MAN2A1: variants seen among roughly 807,000 people sequenced by gnomAD.
MAN2A1 encodes the protein mannosidase alpha class 2A member 1, also known as alpha-mannosidase 2.
A neutral mutation model predicts 142.6 loss-of-function variants in MAN2A1; 76 were observed. The observed-to-expected ratio is 0.53, with a 90% confidence interval of 0.44 to 0.65. The LOEUF (loss-of-function observed/expected upper bound fraction) is 0.65. Among genes scored for constraint, MAN2A1 ranks in the 30% least tolerant of loss-of-function variants. MAN2A1 has a pLI of 0.00. For missense variants in MAN2A1, 1,311 were observed against 1,365.1 expected (o/e 0.96, Z 0.62); for synonymous variants, 559 against 473.2 (o/e 1.18, Z -2.35).
chr5:109,752,610 G>A (rs186508993), intron 4 of MAN2A1, among the ~76,000 whole-genome samples: 1 of 152,234 alleles, frequency 6.6e-6, no homozygotes, highest in East Asian at 1.9e-4. Context: ...GGGTACAGTG[G>A]GAGTGTTAGT....
intron 4 of MAN2A1, among the ~76,000 whole-genome samples, chr5:109,736,147 A>G (rs186690472): frequency 1.2e-4 from 18 of 152,234 alleles, no homozygotes; most frequent in African/African-American, 3.9e-4. Context: ...ATTAATTTAG[A>G]TTAATATACC....
intron 16 of MAN2A1, 30 bp from the exon 17 acceptor site, chr5:109,842,298 A>G (rs1275215383): frequency 9.9e-6 from 14 of 1,411,516 alleles, no homozygotes; most frequent in Middle Eastern, 2.1e-4. Context: ...ATTTCTTTCT[A>G]TTAATCCATA....
At chr5:109,840,239 A>C in intron 16 of MAN2A1, 1 of 269,756 alleles carries the variant, frequency 3.7e-6, no homozygotes, top group South Asian at 4.4e-5. Flanking sequence ...AGGTCCTTGC[A>C]GTCCTTCAAG....
At chr5:109,866,672 T>C (rs1349150718) in intron 21 of MAN2A1, among the ~76,000 whole-genome samples, 174 bp from the exon 22 acceptor site, 1 of 152,178 alleles carries the variant, frequency 6.6e-6, no homozygotes, top group African/African-American at 2.4e-5. Context: ...AAAGAGAACT[T>C]ATATATGTAT....
At chr5:109,818,314 T>G (rs1345477388) in intron 13 of MAN2A1, among the ~76,000 whole-genome samples, 1 of 152,070 alleles carries the variant, frequency 6.6e-6, no homozygotes, top group African/African-American at 2.4e-5. Flanking sequence ...AATTTTGTAT[T>G]TTTAGTAGAG....
chr5:109,729,857 G>T (rs1028843968), intron 4 of MAN2A1, among the ~76,000 whole-genome samples: 3 of 151,986 alleles, frequency 2.0e-5, no homozygotes, highest in Non-Finnish European at 2.9e-5. Flanking sequence ...TAGCCAGGTG[G>T]TGCTCACGCC....
intron 16 of MAN2A1, among the ~76,000 whole-genome samples, chr5:109,836,143 C>A (rs1157079347): frequency 6.6e-6 from 1 of 151,540 alleles, no homozygotes; most frequent in Non-Finnish European, 1.5e-5. Context: ...GAGTCCCACT[C>A]TGTTGCCCCA....
chr5:109,803,855 TTAAAG>T (rs1220301453), intron 12 of MAN2A1, among the ~76,000 whole-genome samples: 3 of 152,200 alleles, frequency 2.0e-5, no homozygotes, highest in Non-Finnish European at 4.4e-5. Context: ...TGTGAAAATG[TTAAAG>T]TAAACTAAAT....
intron 3 of MAN2A1, among the ~76,000 whole-genome samples, chr5:109,716,909 G>A (rs17162103): frequency 6.6e-6 from 1 of 152,134 alleles, no homozygotes; most frequent in Non-Finnish European, 1.5e-5. Context: ...ATATGATGGC[G>A]TTTATTTATT....
intron 12 of MAN2A1, 26 bp from the exon 13 acceptor site, chr5:109,817,247 C>A: frequency 6.2e-7 from 1 of 1,605,716 alleles, no homozygotes; most frequent in Non-Finnish European, 8.5e-7. Flanking sequence ...TTTGAGATCC[C>A]AATAATGAAG....
At chr5:109,745,596 A>T (rs1437221341) in intron 4 of MAN2A1, among the ~76,000 whole-genome samples, 3 of 152,002 alleles carry the variant, frequency 2.0e-5, no homozygotes, top group Non-Finnish European at 2.9e-5. Context: ...CCATATGAGA[A>T]ATTTATTTTT....
chr5:109,826,006 A>G (rs571810239), intron 16 of MAN2A1, among the ~76,000 whole-genome samples: 12 of 142,314 alleles, frequency 8.4e-5, no homozygotes, highest in Non-Finnish European at 1.3e-4. Flanking sequence ...CCACTGGTTC[A>G]AGGATTCTCC....
At chr5:109,862,676 G>T (rs1486029630) in intron 20 of MAN2A1, 2 of 152,102 alleles carry the variant, frequency 1.3e-5, no homozygotes, top group Non-Finnish European at 2.9e-5. Flanking sequence ...TAAATTCACA[G>T]TTTCCCTACT....
At chr5:109,865,412 G>T in intron 21 of MAN2A1, 1 of 404,072 alleles carries the variant, frequency 2.5e-6, no homozygotes, top group South Asian at 2.5e-5. Context: ...TCTATTTCCA[G>T]CCTACAAAGT....
intron 5 of MAN2A1, among the ~76,000 whole-genome samples, chr5:109,762,787 C>T (rs1229408968): frequency 6.6e-6 from 1 of 152,198 alleles, no homozygotes; most frequent in Non-Finnish European, 1.5e-5. Context: ...ACACTTACAA[C>T]ATCATAAAAC....
chr5:109,831,190 A>G (rs1362609764), intron 16 of MAN2A1, among the ~76,000 whole-genome samples: 3 of 152,220 alleles, frequency 2.0e-5, no homozygotes, highest in African/African-American at 7.2e-5. Flanking sequence ...ACAGTAGTAA[A>G]ATCAGCTTCA....
At chr5:109,764,553 C>A (rs1752939939) in intron 5 of MAN2A1, among the ~76,000 whole-genome samples, 1 of 152,152 alleles carries the variant, frequency 6.6e-6, no homozygotes, top group African/African-American at 2.4e-5. Flanking sequence ...CTTTTTAAGT[C>A]TATCCCTAGT....
chr5:109,730,577 G>A (rs1035096745), intron 4 of MAN2A1, among the ~76,000 whole-genome samples: 1 of 151,476 alleles, frequency 6.6e-6, no homozygotes, highest in Non-Finnish European at 1.5e-5. Flanking sequence ...AATACGTTAC[G>A]ATGGGAGGTT....
At chr5:109,797,767 A>T (rs17162261) in intron 12 of MAN2A1, among the ~76,000 whole-genome samples, 2 of 152,144 alleles carry the variant, frequency 1.3e-5, no homozygotes, top group Admixed American at 1.3e-4. Flanking sequence ...TAGTTCAACT[A>T]AAAGGAAAAA....
Sources: gnomAD v4.1 joint callset for allele counts (sites outside exome capture counted in the v4.1 genomes callset) on GRCh38, gnomAD v4.1.1 for gene constraint, MANE v1.5 for transcripts, NCBI Gene and HGNC (gene_info 2026-07-23, HGNC 2026-07-21) for gene names.